Variants in CPO observed in about 807,000 individuals in gnomAD.
CPO encodes carboxypeptidase O.
In CPO, 43 loss-of-function variants were observed where a neutral mutation model predicts 41.2. That is an observed-to-expected ratio of 1.04 (90% CI 0.82 to 1.35). CPO has a LOEUF of 1.35. Ranked by LOEUF, CPO falls within the 40% of genes most tolerant of loss-of-function variation. CPO has a pLI of 0.00. For synonymous variants in CPO, 178 were observed against 162.7 expected, an observed-to-expected ratio of 1.09 and a Z score of -0.72; for missense variants, 408 against 451.7, an observed-to-expected ratio of 0.90 and a Z score of 0.88.
chr2:206,968,994 G>A lies in CPO; in HGVS notation c.863-180G>A, dbSNP rs559510253. ...GGGGGACAGAGATACTGAATAAGAC[G>A]TGGTTCCCACCCTGCAGGGGCTTAC... On this transcript the variant is annotated intron_variant, in intron 8 of 8. Transcript: ENST00000272852. Among the ~76,000 whole-genome samples, 7 of 152,324 alleles carry A rather than the reference G, an allele frequency of 4.6e-5. No individual in the cohort carries two copies. The East Asian group carries it at 1.2e-3, about 25-fold the overall frequency.
chr2:206,945,932 G>A (rs920603797), intron 1 of CPO, among the ~76,000 whole-genome samples: 4 of 150,874 alleles, frequency 2.7e-5, no homozygotes, highest in Admixed American at 6.6e-5. Flanking sequence ...GCAAAACTCC[G>A]ACTCAAAATA....
chr2:206,944,797 A>G (rs1693112307), intron 1 of CPO, among the ~76,000 whole-genome samples: 1 of 152,062 alleles, frequency 6.6e-6, no homozygotes, highest in Non-Finnish European at 1.5e-5. Flanking sequence ...ATTGATTTCC[A>G]TTCGAGTAGC....
At chr2:206,955,423 T>C (rs774990574) in intron 2 of CPO, 40 bp from the exon 3 acceptor site, 1 of 1,155,534 alleles carries the variant, frequency 8.7e-7, no homozygotes, top group South Asian at 1.2e-5. Flanking sequence ...ATGCAAACAA[T>C]CTTCCTACTG....
intron 2 of CPO, among the ~76,000 whole-genome samples, chr2:206,951,486 G>C (rs1025240946): frequency 1.3e-5 from 2 of 152,144 alleles, no homozygotes; most frequent in African/African-American, 4.8e-5. Context: ...CCCTTCAAAT[G>C]ACCTTTACCA....
chr2:206,943,755 TAGATAGATAGA>T (rs1693086350), intron 1 of CPO, among the ~76,000 whole-genome samples: 1 of 151,466 alleles, frequency 6.6e-6, no homozygotes, highest in African/African-American at 2.4e-5. Context: ...GATAGATAGA[TAGATAGATAGA>T]TAGATAGATA....
intron 1 of CPO, among the ~76,000 whole-genome samples, chr2:206,941,486 C>T (rs938569159): frequency 3.3e-5 from 5 of 151,878 alleles, no homozygotes; most frequent in Middle Eastern, 3.2e-3. Flanking sequence ...TTGCAAATAT[C>T]GTACAATGAA....
chr2:206,949,280 A>G (rs1163429970), intron 1 of CPO, among the ~76,000 whole-genome samples: 2 of 152,202 alleles, frequency 1.3e-5, no homozygotes, highest in African/African-American at 2.4e-5. Context: ...AGAACAGTGC[A>G]TGTCTCGTAA....
chr2:206,956,091 G>A (rs917065262), intron 3 of CPO, among the ~76,000 whole-genome samples: 8 of 152,038 alleles, frequency 5.3e-5, no homozygotes, highest in African/African-American at 1.7e-4. Context: ...GGTCTCCAGC[G>A]TCTCCTACCC....
chr2:206,958,616 T>C (rs1168603556), intron 4 of CPO, among the ~76,000 whole-genome samples: 1 of 152,074 alleles, frequency 6.6e-6, no homozygotes, highest in Non-Finnish European at 1.5e-5. Context: ...CCAAAATAAT[T>C]TTTATTGGAG....
chr2:206,959,012 A>AT (rs1196119176), intron 4 of CPO, among the ~76,000 whole-genome samples: 1 of 152,044 alleles, frequency 6.6e-6, no homozygotes, highest in Non-Finnish European at 1.5e-5. Flanking sequence ...AAGTGCTGGG[A>AT]TTACAGGCAT....
At chr2:206,958,484 G>A (rs1443557605) in intron 4 of CPO, 79 bp downstream of exon 4, 9 of 726,808 alleles carry the variant, frequency 1.2e-5, no homozygotes, top group Non-Finnish European at 2.1e-5. Flanking sequence ...TACAAACCAC[G>A]CTTCTTTCAC....
chr2:206,946,344 A>C (rs2105819482), intron 1 of CPO, among the ~76,000 whole-genome samples: 1 of 152,274 alleles, frequency 6.6e-6, no homozygotes, highest in East Asian at 1.9e-4. Flanking sequence ...ATCAATTAGT[A>C]CTATCTGTTC....
In CPO at chr2:206,949,701, C is replaced by G. The variant is rs762609491; in HGVS notation, c.153C>G (p.His51Gln). The change falls in exon 2 of 9, where the codon CAC (histidine) becomes CAG (glutamine). Residue 51 changes from histidine (H) to glutamine (Q), a missense_variant. Coordinates refer to ENST00000272852, the MANE Select transcript of CPO (RefSeq NM_173077.3). ...AGACGTATTCCTATAACATATACCA[C>G]CCCATGGGAGAGGTAAGGAAGGACA... ...SLETYSYNIY[H>Q]PMGEIYEWMR... is the part of the protein sequence containing the mutation. 18 of 1,608,516 alleles carry G rather than the reference C, an allele frequency of 1.1e-5. No homozygotes were observed. Among genetic ancestry groups the G allele is most frequent in the Non-Finnish European group, 1.5e-5 (18 of 1,175,292 alleles).
At position 206,939,635 on chromosome 2, in the gene CPO, G is replaced by T. The variant is rs754672259; in HGVS notation, c.36G>T (p.Gly12=). ...KPLLETLYLL[G]MLVPGGLGYD... is the part of the protein sequence containing the mutation. ...TGCTTGAAACCCTTTATCTTTTGGG[G>T]ATGCTGGTTCCTGGAGGGCTGGGAT... The change falls in exon 1 of 9, where the codon GGG becomes GGT. Residue 12 remains glycine (G), a synonymous_variant. Coordinates refer to ENST00000272852, the MANE Select transcript of CPO (RefSeq NM_173077.3). 2.2e-5 allele frequency: 36 copies of T among 1,611,268 alleles called. No individual in the cohort carries two copies. The highest frequency in any genetic ancestry group is 3.1e-5 in the Non-Finnish European group (36 of 1,178,036).
chr2:206,947,076 A>G (rs781210899), intron 1 of CPO, among the ~76,000 whole-genome samples: 2 of 152,164 alleles, frequency 1.3e-5, no homozygotes, highest in Non-Finnish European at 2.9e-5. Flanking sequence ...AACTGATTCT[A>G]AAGTTTTTAT....
chr2:206,955,680 C>T (rs1693345444), intron 3 of CPO, 116 bp downstream of exon 3: 3 of 686,996 alleles, frequency 4.4e-6, no homozygotes, highest in Non-Finnish European at 7.9e-6. Flanking sequence ...AATCAGTTTG[C>T]TTTTTCCACC....
chr2:206,946,561 G>A (rs2105819571), intron 1 of CPO, among the ~76,000 whole-genome samples: 1 of 152,258 alleles, frequency 6.6e-6, no homozygotes, highest in Non-Finnish European at 1.5e-5. Context: ...AGGCAAGGAT[G>A]TTCCCTCTCA....
chr2:206,949,940 G>T (rs994095411), intron 2 of CPO, among the ~76,000 whole-genome samples: 1 of 152,092 alleles, frequency 6.6e-6, no homozygotes, highest in Admixed American at 6.5e-5. Flanking sequence ...ATAACAAAAA[G>T]AAAATGAACA....
chr2:206,964,848 C>T (rs937230932), intron 7 of CPO, among the ~76,000 whole-genome samples: 4 of 152,116 alleles, frequency 2.6e-5, no homozygotes, highest in Non-Finnish European at 5.9e-5. Flanking sequence ...AGGGGTCTTC[C>T]GCCAGCAGAA....
Sources: allele counts gnomAD v4.1 joint callset (sites outside exome capture counted in the v4.1 genomes callset), GRCh38; gene constraint gnomAD v4.1.1; transcripts MANE v1.5; gene names NCBI Gene and HGNC (gene_info 2026-07-23, HGNC 2026-07-21).